SMIM9: variants seen among roughly 807,000 people sequenced by gnomAD.
SMIM9 encodes chromosome X open reading frame 68.
In SMIM9, 8 loss-of-function variants were observed where a neutral mutation model predicts 7.2. That is an observed-to-expected ratio of 1.10 (90% CI 0.65 to 1.99). The LOEUF is 1.99. Among genes scored for constraint, SMIM9 ranks in the 30% most tolerant of loss-of-function variants. SMIM9 has a pLI of 0.00. For missense variants in SMIM9, 76 were observed against 69.3 expected, an observed-to-expected ratio of 1.10 and a Z score of -0.34; for synonymous variants, 19 against 26.4, an observed-to-expected ratio of 0.72 and a Z score of 0.86.
chrX:154,831,180 C>T (rs1049990624), intron 2 of SMIM9, among the ~76,000 whole-genome samples: 1 of 111,499 alleles, frequency 9.0e-6, no homozygotes, highest in African/African-American at 3.3e-5. Flanking sequence ...TCTTCCCCAA[C>T]TCAATTAGTA....
At position 154,834,662 on chromosome X, in the gene SMIM9, T is replaced by C. The variant is rs2072461143; in HGVS notation, c.-309A>G. 1 of 111,053 alleles carries C rather than the reference T, an allele frequency of 9.0e-6. No individual in the cohort carries two copies. The highest frequency in any genetic ancestry group is 9.5e-5 in the Admixed American group (1 of 10,506). The allele number at this position is 111,053 out of a possible 1,213,427, so 9.2% of individuals were successfully genotyped here. ...CTGAAAGCTTGACTGTACTGGAGGA[T>C]CTACTTCCAAGATGGTGCACTCACA... On this transcript the variant is annotated 5_prime_UTR_variant, in exon 1 of 5. Coordinates refer to ENST00000369529, the MANE Select transcript of SMIM9 (RefSeq NM_001162936.4).
intron 4 of SMIM9, among the ~76,000 whole-genome samples, chrX:154,828,408 C>A (rs1322275980): frequency 9.0e-6 from 1 of 111,399 alleles, no homozygotes; most frequent in African/African-American, 3.3e-5. Context: ...CTGTGGCAAT[C>A]CTGGAGTCCT....
chrX:154,829,505 TC>T, intron 4 of SMIM9, 29 bp downstream of exon 4: 1 of 1,163,785 alleles, frequency 8.6e-7, no homozygotes, highest in African/African-American at 1.8e-5. Flanking sequence ...CCCTCTCTCC[TC>T]CCTGTCTCTT....
At position 154,829,588 on chromosome X, in the gene SMIM9, G is replaced by A; in HGVS notation, c.219C>T (p.Ala73=). 1 of 1,167,446 alleles carries A rather than the reference G, an allele frequency of 8.6e-7. No individual in the cohort carries two copies. Among genetic ancestry groups the A allele is most frequent in the South Asian group, 1.9e-5 (1 of 52,701 alleles). ...QLIKSALPPA[A]IVAFLLTSAL... is the part of the protein sequence containing the mutation. ...CTGAGGTGAGAAGAAAAGCAACAAT[G>A]GCTGCTGGAGGTAAGGCACTCTTGA... The change falls in exon 4 of 5, where the codon GCC becomes GCT. Residue 73 remains alanine, a synonymous_variant. Coordinates refer to ENST00000369529, the MANE Select transcript of SMIM9 (RefSeq NM_001162936.4).
intron 4 of SMIM9, 54 bp downstream of exon 4, chrX:154,829,481 C>A: frequency 3.5e-6 from 4 of 1,145,751 alleles, no homozygotes; most frequent in Admixed American, 2.7e-5. Context: ...TCTGTTCCCA[C>A]CCCCCTTCAC....
At chrX:154,826,201 T>G (rs2072421435) in intron 4 of SMIM9, among the ~76,000 whole-genome samples, 1 of 112,427 alleles carries the variant, frequency 8.9e-6, no homozygotes, top group Non-Finnish European at 1.9e-5. Flanking sequence ...CTAATCTTAC[T>G]TTCACCAAAC....
Position 154,823,421 on chromosome X carries a change from A to T in SMIM9, c.*334T>A, listed in dbSNP as rs2072404819. 1.1e-5 allele frequency: 2 copies of T among 180,765 alleles called. No individual in the cohort carries two copies. The highest frequency in any genetic ancestry group is 2.1e-5 in the Non-Finnish European group (2 of 97,211). The allele number at this position is 180,765 out of a possible 1,213,427, so 14.9% of individuals were successfully genotyped here. On this transcript the variant is annotated 3_prime_UTR_variant, in exon 5 of 5. Transcript: ENST00000369529. Reference sequence around the variant, plus strand: ...AGACTTTGGAAAACTTGTAATACATATATAGAAAAAAATTGAAGGGAGGTA... The same window carrying T: ...AGACTTTGGAAAACTTGTAATACATTTATAGAAAAAAATTGAAGGGAGGTA...
chrX:154,824,376 A>AG (rs1324701329), intron 4 of SMIM9, among the ~76,000 whole-genome samples: 1 of 105,675 alleles, frequency 9.5e-6, no homozygotes, highest in Non-Finnish European at 2.0e-5. Context: ...AAAAAAAAAA[A>AG]GAAAAAGAAA....
chrX:154,831,257 C>G (rs1053129857), intron 2 of SMIM9, among the ~76,000 whole-genome samples: 3 of 111,596 alleles, frequency 2.7e-5, no homozygotes, highest in Non-Finnish European at 5.6e-5. Context: ...ATCTCTAGAA[C>G]TTTTTCAACT....
In SMIM9 at chrX:154,829,130, A is replaced by T. The variant is rs909884101; in HGVS notation, c.272+405T>A. On this transcript the variant is annotated intron_variant, in intron 4 of 4. Coordinates refer to ENST00000369529, the MANE Select transcript of SMIM9 (RefSeq NM_001162936.4). ...GCTCAACTATTTTGTTTTCCTCAGG[A>T]TTCTTTTGGCTTCATATGATTTATG... Among the ~76,000 whole-genome samples, 5 of 112,557 alleles carry T rather than the reference A, an allele frequency of 4.4e-5. No homozygotes were observed. The Admixed American group carries it at 4.7e-4, about 11-fold the overall frequency.
Position 154,823,700 on chromosome X carries a change from T to C in SMIM9, c.*55A>G. ...TTTAAGCAGATAGCAAATGCCCCAC[T>C]CTTTTGGAGTCCAACTGGAGAGACC... On this transcript the variant is annotated 3_prime_UTR_variant, in exon 5 of 5. Coordinates refer to ENST00000369529, the MANE Select transcript of SMIM9 (RefSeq NM_001162936.4). 1 of 1,071,974 alleles carries C rather than the reference T, an allele frequency of 9.3e-7. No individual in the cohort carries two copies. Among genetic ancestry groups the C allele is most frequent in the Non-Finnish European group, 1.2e-6 (1 of 807,319 alleles). The allele number at this position is 1,071,974 out of a possible 1,213,427, so 88.3% of individuals were successfully genotyped here.
intron 3 of SMIM9, 146 bp from the exon 4 acceptor site, chrX:154,829,810 T>C: frequency 4.9e-6 from 3 of 608,887 alleles, no homozygotes; most frequent in Non-Finnish European, 7.4e-6. Flanking sequence ...TACTTTGCTG[T>C]GCTGGCTGTA....
chrX:154,829,329 A>G (rs893459433), intron 4 of SMIM9, among the ~76,000 whole-genome samples: 18 of 112,331 alleles, frequency 1.6e-4, no homozygotes, highest in African/African-American at 5.5e-4. Flanking sequence ...ACTGGTAACA[A>G]ATGGAGCAAG....
chrX:154,830,133 G>A (rs1466585823), intron 3 of SMIM9, among the ~76,000 whole-genome samples: 6 of 111,485 alleles, frequency 5.4e-5, no homozygotes, highest in African/African-American at 2.0e-4. Flanking sequence ...TCTAGGGGGA[G>A]TTTGCTGATC....
In SMIM9 at chrX:154,829,567, G is replaced by A; in HGVS notation, c.240C>T (p.Thr80=). 4 of 1,167,878 alleles carry A rather than the reference G, an allele frequency of 3.4e-6. No homozygotes were observed. Among genetic ancestry groups the A allele is most frequent in the Non-Finnish European group, 4.6e-6 (4 of 873,008 alleles). Residue 80 remains threonine, a synonymous_variant, in exon 4 of 5, where the codon ACC becomes ACT. Coordinates refer to ENST00000369529, the MANE Select transcript of SMIM9 (RefSeq NM_001162936.4). Reference sequence around the variant, plus strand: ...AGCAGAGGATCCCCATTAGTGCTGAGGTGAGAAGAAAAGCAACAATGGCTG... The same window carrying A: ...AGCAGAGGATCCCCATTAGTGCTGAAGTGAGAAGAAAAGCAACAATGGCTG... ...PPAAIVAFLL[T]SALMGILCCF...
At position 154,830,919 on chromosome X, in the gene SMIM9, A is replaced by T; in HGVS notation, c.-63T>A. The stretch of plus-strand genomic sequence containing the variant: ...TCCTAGCTCACTCTGCCAAGGAGAG[A>T]TGTCTTTGTCCGTAGGTCTTTCCAC... On this transcript the variant is annotated 5_prime_UTR_variant, in exon 3 of 5. Coordinates refer to ENST00000369529, the MANE Select transcript of SMIM9 (RefSeq NM_001162936.4). 9.1e-7 allele frequency: 1 copy of T among 1,093,065 alleles called. No homozygotes were observed. Among genetic ancestry groups the T allele is most frequent in the East Asian group, 3.3e-5 (1 of 29,953 alleles). 90.1% of individuals were successfully genotyped at this position (1,093,065 alleles called of 1,213,427 possible). A position where few individuals can be genotyped will look rare whatever the true frequency, so the allele number is the denominator to read the frequency against.
chrX:154,828,905 C>G (rs782767873), intron 4 of SMIM9, among the ~76,000 whole-genome samples: 26 of 111,792 alleles, frequency 2.3e-4, no homozygotes, highest in African/African-American at 8.1e-4. Flanking sequence ...AACTGGCCAA[C>G]TATTTCCTGA....
At chrX:154,831,542 C>T (rs1489737202) in intron 2 of SMIM9, among the ~76,000 whole-genome samples, 2 of 110,227 alleles carry the variant, frequency 1.8e-5, no homozygotes, top group African/African-American at 6.8e-5. Flanking sequence ...CTTCACACCA[C>T]CTCCACTGCT....
At chrX:154,824,331 G>A (rs1434692126) in intron 4 of SMIM9, among the ~76,000 whole-genome samples, 2 of 98,328 alleles carry the variant, frequency 2.0e-5, no homozygotes, top group Non-Finnish European at 4.1e-5. Flanking sequence ...ACTCCAGCCT[G>A]GGCGACAGAG....
Sources: allele counts gnomAD v4.1 joint callset (sites outside exome capture counted in the v4.1 genomes callset), GRCh38; gene constraint gnomAD v4.1.1; transcripts MANE v1.5; gene names NCBI Gene and HGNC (gene_info 2026-07-23, HGNC 2026-07-21).